DDX25: variants seen among roughly 807,000 people sequenced by gnomAD.
DDX25 encodes ATP-dependent RNA helicase DDX25.
DDX25 carries 70 observed loss-of-function variants against 64.6 expected under a neutral mutation model. That is an observed-to-expected ratio of 1.08 (90% confidence interval 0.89 to 1.32). The LOEUF is 1.32. Ranked by LOEUF, DDX25 falls within the 40% of genes most tolerant of loss-of-function variation. DDX25 has a pLI of 0.00. For missense variants in DDX25, 587 were observed against 604.4 expected (o/e 0.97, Z 0.30); for synonymous variants, 211 against 213.3 (o/e 0.99, Z 0.09).
intron 1 of DDX25, 60 bp downstream of exon 1, chr11:125,904,640 G>A (rs1488382143): frequency 1.3e-5 from 18 of 1,427,698 alleles, no homozygotes; most frequent in Non-Finnish European, 1.6e-5. Context: ...CTCGCAGAGG[G>A]AGATCGGCTG....
In DDX25 at chr11:125,906,194, T is replaced by A; in HGVS notation, c.296T>A (p.Phe99Tyr). Residue 99 changes from phenylalanine to tyrosine, a missense_variant, in exon 4 of 12, where the codon TTT becomes TAT. Physicochemically the swap from Phe to Tyr is conservative, Grantham distance 22 (BLOSUM62 3). Coordinates refer to ENST00000263576, the MANE Select transcript of DDX25 (RefSeq NM_013264.5). ...TCTCCACTTTACTCAGTAAAGACATTTGAAGAGCTGCGGCTGTGAGTATTT... is the reference window on the plus strand; with the variant it reads ...TCTCCACTTTACTCAGTAAAGACATATGAAGAGCTGCGGCTGTGAGTATTT... The part of the protein sequence containing the change: ...PSSPLYSVKT[F>Y]EELRLKEELL... 6.5e-7 allele frequency: 1 copy of A among 1,541,278 alleles called. No homozygotes were observed.
At chr11:125,911,221 G>C in intron 7 of DDX25, 90 bp from the exon 8 acceptor site, 2 of 1,168,152 alleles carry the variant, frequency 1.7e-6, no homozygotes, top group Non-Finnish European at 2.2e-6. Context: ...CTGTATTTTT[G>C]CTTATGAGCT....
Position 125,906,319 on chromosome 11 carries a change from A to AT in DDX25, c.311+111dup, listed in dbSNP as rs1202047385. 9.9e-6 allele frequency: 12 copies of AT among 1,214,776 alleles called. No homozygotes were observed. The Admixed American group carries it at 1.7e-4, about 17-fold the overall frequency. The allele number at this position is 1,214,776 out of a possible 1,614,324, so 75.2% of individuals were successfully genotyped here. A position where few individuals can be genotyped will look rare whatever the true frequency, so the allele number is the denominator to read the frequency against. ...TCTCCTCTTTGTTTTCTGATATTCA[A>AT]TATTTTTTTTTGTTATTTGAGACAG... On this transcript the variant is annotated intron_variant, in intron 4 of 11. Transcript: ENST00000263576.
At chr11:125,918,327 T>A (rs998712715) in intron 9 of DDX25, among the ~76,000 whole-genome samples, 2 of 152,238 alleles carry the variant, frequency 1.3e-5, no homozygotes, top group Admixed American at 1.3e-4. Flanking sequence ...GTTGTTGCCA[T>A]TGTTACATGA....
intron 6 of DDX25, 81 bp from the exon 7 acceptor site, chr11:125,910,283 G>A: frequency 8.5e-7 from 1 of 1,177,896 alleles, no homozygotes; most frequent in Admixed American, 1.9e-5. Context: ...GCCTCTCCCT[G>A]TACAAATTTT....
chr11:125,921,541 A>AGAT lies in DDX25; in HGVS notation c.1390+166_1390+168dup, dbSNP rs1945116287. 4 of 721,356 alleles carry AGAT rather than the reference A, an allele frequency of 5.5e-6. No homozygotes were observed. The highest frequency in any genetic ancestry group is 8.8e-6 in the Non-Finnish European group (4 of 455,164). 44.7% of individuals were successfully genotyped at this position (721,356 alleles called of 1,614,324 possible). ...CAGGACCAGGGTTCTAATATGAGAC[A>AGAT]GATGATTAAATAATGCTTATATGGT... On this transcript the variant is annotated intron_variant, in intron 11 of 11. Transcript: ENST00000263576. This position sits in a 1 kb window ranked among gnomAD's most constrained non-coding sequence, Gnocchi z 4.1.
At chr11:125,908,368 A>C in intron 5 of DDX25, 33 bp from the exon 6 acceptor site, 4 of 1,613,468 alleles carry the variant, frequency 2.5e-6, no homozygotes, top group Non-Finnish European at 3.4e-6. Context: ...TCTTGTATTC[A>C]GTTTATGCCC....
upstream of DDX25, among the ~76,000 whole-genome samples, chr11:125,903,816 C>T (rs928987755): frequency 6.6e-6 from 1 of 152,008 alleles, no homozygotes; most frequent in Non-Finnish European, 1.5e-5. Flanking sequence ...ATCATTAGTA[C>T]CAGGGATCCA....
At chr11:125,905,683 A>C in intron 3 of DDX25, 86 bp downstream of exon 3, 18 of 1,367,596 alleles carry the variant, frequency 1.3e-5, no homozygotes, top group Non-Finnish European at 1.8e-5. Flanking sequence ...ATATAATCTC[A>C]ATTGGAAAAG....
chr11:125,921,403 A>G lies in DDX25; in HGVS notation c.1390+24A>G, dbSNP rs1403826113. On this transcript the variant is annotated intron_variant, in intron 11 of 11. Transcript: ENST00000263576. The surrounding 1 kb of genome is among the most constrained non-coding windows in gnomAD (Gnocchi z 4.1). ...TAGTAAGTAGCACCACCCTCACAAT[A>G]TGAACTACAGACCTGCCGGTCTGAC... 2 of 1,608,878 alleles carry G rather than the reference A, an allele frequency of 1.2e-6. No individual in the cohort carries two copies. The highest frequency in any genetic ancestry group is 8.5e-7 in the Non-Finnish European group (1 of 1,177,102).
intron 10 of DDX25, among the ~76,000 whole-genome samples, chr11:125,920,712 C>T (rs975420453): frequency 2.0e-5 from 3 of 152,082 alleles, no homozygotes; most frequent in Non-Finnish European, 4.4e-5. Flanking sequence ...GGTGAGAAAC[C>T]AGTCTGGAAG....
chr11:125,914,120 T>G (rs951267204), intron 8 of DDX25, among the ~76,000 whole-genome samples: 3 of 152,230 alleles, frequency 2.0e-5, no homozygotes, highest in Non-Finnish European at 2.9e-5. Flanking sequence ...ACATTGTGAA[T>G]TATCCAAGTT....
chr11:125,913,809 CA>C (rs984155133), intron 8 of DDX25, among the ~76,000 whole-genome samples: 3 of 151,632 alleles, frequency 2.0e-5, no homozygotes, highest in Non-Finnish European at 4.4e-5. Context: ...TCTCTTTCCC[CA>C]AAGTGACCAA....
intron 9 of DDX25, among the ~76,000 whole-genome samples, 180 bp from the exon 10 acceptor site, chr11:125,918,446 AAC>A (rs1945067441): frequency 2.0e-5 from 3 of 152,242 alleles, no homozygotes; most frequent in South Asian, 4.2e-4. Context: ...GAGCCTTAGA[AAC>A]ACAGGCGGAG....
At chr11:125,904,697 C>A in intron 1 of DDX25, 117 bp downstream of exon 1, 1 of 1,192,288 alleles carries the variant, frequency 8.4e-7, no homozygotes, top group Non-Finnish European at 1.2e-6. Flanking sequence ...GCGTCAGATG[C>A]TGGAGGGGAG....
chr11:125,905,760 A>G (rs757271810), intron 3 of DDX25, among the ~76,000 whole-genome samples, 163 bp downstream of exon 3: 1 of 152,226 alleles, frequency 6.6e-6, no homozygotes, highest in Admixed American at 6.5e-5. Flanking sequence ...AGTAAGGTGT[A>G]TTTATTTAAA....
chr11:125,907,374 CAAGG>C (rs1944902681), intron 4 of DDX25, among the ~76,000 whole-genome samples: 2 of 152,194 alleles, frequency 1.3e-5, no homozygotes, highest in Non-Finnish European at 1.5e-5. Flanking sequence ...TTTGGGAGGC[CAAGG>C]GGGGCGGATC....
chr11:125,919,999 G>A lies in DDX25; in HGVS notation c.1202-1192G>A, dbSNP rs142062941. Among the ~76,000 whole-genome samples the A allele has an allele frequency of 3.1e-3, 468 of 152,302 alleles. 4 individuals are homozygous for A. Among genetic ancestry groups the A allele is most frequent in the East Asian group, 9.8e-3 (51 of 5,184 alleles). ...GACAGCGTAACCCTAGACCCTAGAGGAAGGAAGGCACAGAGAGCTCCAGGT... is the reference window on the plus strand; with the variant it reads ...GACAGCGTAACCCTAGACCCTAGAGAAAGGAAGGCACAGAGAGCTCCAGGT... On this transcript the variant is annotated intron_variant, in intron 10 of 11. Coordinates refer to ENST00000263576, the MANE Select transcript of DDX25 (RefSeq NM_013264.5).
chr11:125,904,818 G>C, intron 1 of DDX25: 1 of 584,624 alleles, frequency 1.7e-6, no homozygotes. Context: ...GGAAATCCAG[G>C]GTGGGAACGC....
Sources: allele counts gnomAD v4.1 joint callset (sites outside exome capture counted in the v4.1 genomes callset), GRCh38; gene constraint gnomAD v4.1.1; non-coding constraint Gnocchi (gnomAD v3.1); transcripts MANE v1.5; gene names NCBI Gene and HGNC (gene_info 2026-07-23, HGNC 2026-07-21).